The following KIAA1217 variants were observed in gnomAD, a reference collection of about 807,000 sequenced individuals.
KIAA1217 encodes the protein sickle tail protein homolog.
KIAA1217 carries 88 observed loss-of-function variants against 163.9 expected under a neutral mutation model. That is an observed-to-expected ratio of 0.54 (90% CI 0.45 to 0.64). The LOEUF (loss-of-function observed/expected upper bound fraction) is 0.64. KIAA1217 is among the 30% of genes least tolerant of loss of function. KIAA1217 has a pLI of 0.00. For missense variants in KIAA1217, 2,372 were observed against 2,475.0 expected, an observed-to-expected ratio of 0.96 and a Z score of 0.88; for synonymous variants, 903 against 923.1, an observed-to-expected ratio of 0.98 and a Z score of 0.39.
intron 1 of KIAA1217, among the ~76,000 whole-genome samples, chr10:23,980,305 C>T (rs1447561534): frequency 6.6e-6 from 1 of 152,166 alleles, no homozygotes; most frequent in Non-Finnish European, 1.5e-5. Flanking sequence ...ACTGATCAAA[C>T]AAATGTCAGA....
At chr10:24,375,553 A>G (rs923649394) in intron 2 of KIAA1217, among the ~76,000 whole-genome samples, 2 of 152,254 alleles carry the variant, frequency 1.3e-5, no homozygotes, top group Non-Finnish European at 2.9e-5. Flanking sequence ...GTTCTCTTCA[A>G]CTGAAATCAG....
At chr10:24,530,845 G>A (rs993409048) in intron 14 of KIAA1217, among the ~76,000 whole-genome samples, 2 of 152,034 alleles carry the variant, frequency 1.3e-5, no homozygotes, top group South Asian at 2.1e-4. Context: ...GAGGTGAGCC[G>A]TGATGGCACC....
At chr10:24,275,396 A>G (rs2077172136) in intron 2 of KIAA1217, among the ~76,000 whole-genome samples, 1 of 152,224 alleles carries the variant, frequency 6.6e-6, no homozygotes, top group South Asian at 2.1e-4. Flanking sequence ...GACTGTGGAA[A>G]GGGTGCTTCC....
intron 5 of KIAA1217, among the ~76,000 whole-genome samples, chr10:24,465,685 C>T (rs1303494911): frequency 6.6e-6 from 1 of 152,224 alleles, no homozygotes; most frequent in Non-Finnish European, 1.5e-5. Flanking sequence ...CCACCTTTTG[C>T]TAGCAATGCA....
intron 1 of KIAA1217, among the ~76,000 whole-genome samples, chr10:23,915,954 C>T (rs914624274): frequency 3.3e-5 from 5 of 152,038 alleles, no homozygotes; most frequent in African/African-American, 1.2e-4. Flanking sequence ...TTTTAAAAAC[C>T]GTGTTATAAT....
intron 2 of KIAA1217, among the ~76,000 whole-genome samples, chr10:24,252,556 G>A (rs571552650): frequency 2.6e-5 from 4 of 152,164 alleles, no homozygotes; most frequent in Admixed American, 2.0e-4. Context: ...CCACAAGCTG[G>A]GCGACAGCAA....
In KIAA1217 at chr10:23,934,577, A is replaced by ATATATATGTGTATATATATATG. The variant is rs1843414110; in HGVS notation, c.-320-72641_-320-72640insGTGTATATATATATGTATATAT. The stretch of plus-strand genomic sequence containing the variant: ...TTAAAGTATATATATATATATATAT[A>ATATATATGTGTATATATATATG]TATATATATATATGTATATATATAT... On this transcript the variant is annotated intron_variant, in intron 1 of 18. Transcript: ENST00000376462. Among the ~76,000 whole-genome samples the ATATATATGTGTATATATATATG allele has an allele frequency of 8.6e-5, 5 of 57,916 alleles. No individual in the cohort carries two copies. The African/African-American group carries it at 9.0e-4, about 10-fold the overall frequency. The allele number at this position is 57,916 out of a possible 152,430, so 38.0% of individuals were successfully genotyped here.
At chr10:24,094,773 A>T (rs972569772) in intron 2 of KIAA1217, among the ~76,000 whole-genome samples, 2 of 152,212 alleles carry the variant, frequency 1.3e-5, no homozygotes, top group African/African-American at 4.8e-5. Flanking sequence ...GCTGTCAGAC[A>T]GGGACACTTA....
At chr10:24,514,475 A>G (rs989575464) in intron 10 of KIAA1217, among the ~76,000 whole-genome samples, 4 of 152,098 alleles carry the variant, frequency 2.6e-5, no homozygotes, top group Admixed American at 1.3e-4. Flanking sequence ...TAGAGGGAAA[A>G]AAACATCAAT....
intron 2 of KIAA1217, among the ~76,000 whole-genome samples, chr10:24,074,941 C>T (rs563190551): frequency 2.6e-4 from 40 of 152,044 alleles, no homozygotes; most frequent in Admixed American, 1.9e-3. Context: ...TCAGGCAATC[C>T]GCCTGCCTTG....
intron 1 of KIAA1217, among the ~76,000 whole-genome samples, chr10:23,948,837 G>A (rs903171965): frequency 6.6e-6 from 1 of 152,070 alleles, no homozygotes; most frequent in Admixed American, 6.6e-5. Flanking sequence ...TTAAAACCTG[G>A]TTATTAAACC....
intron 2 of KIAA1217, among the ~76,000 whole-genome samples, chr10:24,359,186 C>T (rs1385939796): frequency 1.3e-5 from 2 of 150,528 alleles, no homozygotes; most frequent in Non-Finnish European, 3.0e-5. Flanking sequence ...ACCTCCTAAG[C>T]TCAAGTGATT....
At chr10:23,934,557 G>GTATATATATATATATATATATA (rs778185120) in intron 1 of KIAA1217, among the ~76,000 whole-genome samples, 2 of 44,350 alleles carry the variant, frequency 4.5e-5, no homozygotes, top group Admixed American at 3.1e-4. Context: ...GGTCTTTAAA[G>GTATATATATATATATATATATA]TATATATATA....
chr10:23,961,950 G>A (rs1409602278), intron 1 of KIAA1217, among the ~76,000 whole-genome samples: 1 of 152,078 alleles, frequency 6.6e-6, no homozygotes, highest in African/African-American at 2.4e-5. Context: ...AAAGATACCA[G>A]TTGTATTAGA....
chr10:24,446,819 T>A (rs2060973029), intron 5 of KIAA1217, among the ~76,000 whole-genome samples: 1 of 152,200 alleles, frequency 6.6e-6, no homozygotes, highest in Admixed American at 6.5e-5. Flanking sequence ...AAGCTGAGGC[T>A]TAAGAGAGGT....
intron 2 of KIAA1217, among the ~76,000 whole-genome samples, chr10:24,170,537 G>A (rs539725887): frequency 1.3e-5 from 2 of 152,258 alleles, no homozygotes; most frequent in East Asian, 3.9e-4. Flanking sequence ...ACCCCACTAC[G>A]AAGGCCAAGG....
chr10:24,174,501 G>A (rs1261792774), intron 2 of KIAA1217, among the ~76,000 whole-genome samples: 1 of 152,154 alleles, frequency 6.6e-6, no homozygotes, highest in Non-Finnish European at 1.5e-5. Context: ...ACCAAGAAAG[G>A]CTTTGGGCTA....
intron 2 of KIAA1217, among the ~76,000 whole-genome samples, chr10:24,026,544 G>A (rs1259694858): frequency 6.6e-6 from 1 of 151,434 alleles, no homozygotes; most frequent in African/African-American, 2.4e-5. Context: ...CAAATTTATT[G>A]GTATAAAGCT....
intron 6 of KIAA1217, among the ~76,000 whole-genome samples, chr10:24,480,225 T>A (rs935549095): frequency 8.5e-5 from 13 of 152,248 alleles, no homozygotes; most frequent in Non-Finnish European, 4.4e-5. Context: ...TTGAACTTTT[T>A]CTACTTTTAA....
Sources: gnomAD v4.1 joint callset for allele counts (sites outside exome capture counted in the v4.1 genomes callset) on GRCh38, gnomAD v4.1.1 for gene constraint, MANE v1.5 for transcripts, NCBI Gene and HGNC (gene_info 2026-07-23, HGNC 2026-07-21) for gene names.